Variants in PDE6C observed in about 807,000 individuals in gnomAD.
The protein encoded by PDE6C is cone cGMP-specific 3',5'-cyclic phosphodiesterase subunit alpha'.
Under a neutral mutation model 113.1 loss-of-function variants are expected in PDE6C, and 75 were observed. The observed-to-expected ratio is 0.66, with a 90% CI of 0.55 to 0.80. The LOEUF (loss-of-function observed/expected upper bound fraction) is 0.80. Ranked by LOEUF, PDE6C falls within the 30% of genes least tolerant of loss-of-function variation. PDE6C has a pLI of 0.00. For missense variants in PDE6C, 912 were observed against 1,038.6 expected (o/e 0.88, Z 1.67); for synonymous variants, 375 against 363.7 (o/e 1.03, Z -0.35).
rs1340770589 is a variant in PDE6C, at chr10:93,641,009, C to G, written c.1827C>G (p.Thr609=). The stretch of plus-strand genomic sequence containing the variant: ...GCCATGATATTGACCACAGAGGCAC[C>G]AATAATTTGTACCAGATGAAGTAAG... The part of the protein sequence containing the change: ...AFCHDIDHRG[T]NNLYQMKSTS... The change falls in exon 14 of 22, where the codon ACC becomes ACG. Residue 609 remains threonine, a synonymous_variant. Coordinates refer to ENST00000371447, the MANE Select transcript of PDE6C (RefSeq NM_006204.4). 4 of 1,605,210 alleles carry G rather than the reference C, an allele frequency of 2.5e-6. No homozygotes were observed. Among genetic ancestry groups the G allele is most frequent in the Non-Finnish European group, 3.4e-6 (4 of 1,172,118 alleles).
intron 19 of PDE6C, 78 bp from the exon 20 acceptor site, chr10:93,662,482 A>AG (rs1379739026): frequency 1.7e-6 from 1 of 602,842 alleles, no homozygotes; most frequent in African/African-American, 1.8e-5. Context: ...AAAAAAAAAA[A>AG]AAGTTATCAG....
intron 11 of PDE6C, among the ~76,000 whole-genome samples, chr10:93,639,616 C>T (rs543704489): frequency 6.6e-6 from 1 of 152,274 alleles, no homozygotes; most frequent in African/African-American, 2.4e-5. Context: ...CCTCGGGGAG[C>T]TCACATTCTA....
At chr10:93,641,154 G>T in intron 14 of PDE6C, 125 bp downstream of exon 14, 1 of 670,658 alleles carries the variant, frequency 1.5e-6, no homozygotes, top group Non-Finnish European at 2.7e-6. Flanking sequence ...GGAAATTCCA[G>T]GGCTGGATTC....
At chr10:93,664,896 A>T (rs1277764534) in intron 21 of PDE6C, among the ~76,000 whole-genome samples, 1 of 152,088 alleles carries the variant, frequency 6.6e-6, no homozygotes, top group East Asian at 1.9e-4. Flanking sequence ...ACGGAGTCTC[A>T]CTCACTCTGT....
Position 93,612,749 on chromosome 10 carries a change from C to G in PDE6C, c.24C>G (p.Ala8=), listed in dbSNP as rs564460310. 2.5e-5 allele frequency: 40 copies of G among 1,613,872 alleles called. No homozygotes were observed. The South Asian group carries it at 4.0e-4, about 16-fold the overall frequency. Residue 8 remains alanine, a synonymous_variant, in exon 1 of 22, where the codon GCC becomes GCG. Transcript: ENST00000371447. ...CCATGGGTGAGATCAACCAAGTTGC[C>G]GTGGAGAAATACCTGGAGGAGAACC... MGEINQV[A]VEKYLEENPQ...
At chr10:93,639,746 C>CT (rs1298295883) in intron 11 of PDE6C, among the ~76,000 whole-genome samples, 1 of 152,128 alleles carries the variant, frequency 6.6e-6, no homozygotes, top group Non-Finnish European at 1.5e-5. Context: ...ATGAGTAAGG[C>CT]TTTTGTAACT....
At position 93,612,968 on chromosome 10, in the gene PDE6C, C is replaced by T. The variant is rs897789860; in HGVS notation, c.243C>T (p.His81=). 2 of 1,613,976 alleles carry T rather than the reference C, an allele frequency of 1.2e-6. No homozygotes were observed. Among genetic ancestry groups the T allele is most frequent in the African/African-American group, 2.7e-5 (2 of 75,028 alleles). ...EEGGTPEQGV[H]RALQRLAHLL... ...GGGGCACCCCAGAGCAGGGGGTTCA[C>T]AGGGCCCTGCAGAGGCTGGCCCACC... Residue 81 remains histidine (H), a synonymous_variant, in exon 1 of 22, where the codon CAC becomes CAT. Transcript: ENST00000371447.
intron 15 of PDE6C, among the ~76,000 whole-genome samples, chr10:93,653,417 C>T (rs1231448820): frequency 2.0e-5 from 3 of 151,946 alleles, no homozygotes; most frequent in Non-Finnish European, 4.4e-5. Context: ...CCGAGATGGG[C>T]GGATCCCTTG....
chr10:93,645,450 C>T (rs2058579832), intron 14 of PDE6C, among the ~76,000 whole-genome samples: 2 of 152,134 alleles, frequency 1.3e-5, no homozygotes, highest in South Asian at 4.1e-4. Context: ...CTCTTTTACC[C>T]TGAAGGCATT....
chr10:93,613,284 C>T (rs2058401773), intron 1 of PDE6C, 79 bp downstream of exon 1: 3 of 1,580,362 alleles, frequency 1.9e-6, no homozygotes, highest in Admixed American at 3.5e-5. Flanking sequence ...ATAGTGCTAT[C>T]CTTGTGGCAT....
chr10:93,637,381 T>TGGCCACCAC (rs902716108), intron 11 of PDE6C, among the ~76,000 whole-genome samples: 2 of 152,132 alleles, frequency 1.3e-5, no homozygotes, highest in Admixed American at 6.5e-5. Context: ...GATGACACCA[T>TGGCCACCAC]GGCCACCACA....
At chr10:93,644,394 C>A (rs1479109771) in intron 14 of PDE6C, among the ~76,000 whole-genome samples, 3 of 152,020 alleles carry the variant, frequency 2.0e-5, no homozygotes, top group African/African-American at 4.8e-5. Context: ...TAGAATTGAG[C>A]TTTTTCATTT....
intron 18 of PDE6C, among the ~76,000 whole-genome samples, chr10:93,659,905 T>C (rs1031048613): frequency 5.3e-5 from 8 of 152,212 alleles, no homozygotes; most frequent in Non-Finnish European, 1.2e-4. Context: ...GTGCTGTGAA[T>C]TATAAGAAGG....
chr10:93,632,848 G>C (rs1427745700), intron 8 of PDE6C, among the ~76,000 whole-genome samples: 2 of 152,196 alleles, frequency 1.3e-5, no homozygotes, highest in African/African-American at 4.8e-5. Context: ...TGACTACATA[G>C]AGTAGTAACA....
chr10:93,634,692 G>C lies in PDE6C; in HGVS notation c.1120-66G>C, dbSNP rs1476795554. 5.2e-6 allele frequency: 8 copies of C among 1,526,164 alleles called. No individual in the cohort carries two copies. The South Asian group carries it at 8.0e-5, about 15-fold the overall frequency. 94.5% of individuals were successfully genotyped at this position (1,526,164 alleles called of 1,614,324 possible). Reference sequence around the variant, plus strand: ...CTGTACATTTCTTTTGTAATATCCTGTGAATTTATGATTATTTCAAACTAA... The same window carrying C: ...CTGTACATTTCTTTTGTAATATCCTCTGAATTTATGATTATTTCAAACTAA... On this transcript the variant is annotated intron_variant, in intron 8 of 21. Transcript: ENST00000371447.
chr10:93,633,802 A>G lies in PDE6C; in HGVS notation c.1120-956A>G, dbSNP rs568202141. ...GAATTAGCTAAACAGGTGTTAGAAG[A>G]TAGAAAAAGTGTAAAGGGAACAGTG... On this transcript the variant is annotated intron_variant, in intron 8 of 21. Transcript: ENST00000371447. 3.3e-5 allele frequency among the ~76,000 whole-genome samples: 5 copies of G among 152,354 alleles called. No homozygotes were observed. In the South Asian group the frequency reaches 6.2e-4, roughly 19 times the overall value.
intron 1 of PDE6C, among the ~76,000 whole-genome samples, chr10:93,617,953 A>C (rs2058427391): frequency 6.6e-6 from 1 of 152,176 alleles, no homozygotes; most frequent in Non-Finnish European, 1.5e-5. Context: ...AAGAGAAAGA[A>C]TCTAACAAAA....
chr10:93,618,566 G>GGGCT (rs2058431074), intron 1 of PDE6C, among the ~76,000 whole-genome samples: 1 of 152,156 alleles, frequency 6.6e-6, no homozygotes, highest in South Asian at 2.1e-4. Flanking sequence ...CTGGAGTGAG[G>GGGCT]GGCTGCCTTT....
intron 15 of PDE6C, 93 bp from the exon 16 acceptor site, chr10:93,655,667 A>T: frequency 1.4e-6 from 1 of 721,688 alleles, no homozygotes; most frequent in Non-Finnish European, 2.5e-6. Flanking sequence ...AAAAGTGTTG[A>T]AAGACTTTTA....
Sources: gnomAD v4.1 joint callset for allele counts (sites outside exome capture counted in the v4.1 genomes callset) on GRCh38, gnomAD v4.1.1 for gene constraint, MANE v1.5 for transcripts, NCBI Gene and HGNC (gene_info 2026-07-23, HGNC 2026-07-21) for gene names.